Variants in CHCHD3 observed in about 807,000 individuals in gnomAD.
CHCHD3 encodes the protein coiled-coil-helix-coiled-coil-helix domain containing 3, also known as MICOS complex subunit MIC19.
A neutral mutation model predicts 38.2 loss-of-function variants in CHCHD3; 20 were observed. The ratio of observed to expected loss-of-function variants is 0.52; its 90% CI spans 0.37 to 0.76. The LOEUF is 0.76. Ranked by LOEUF, CHCHD3 falls within the 30% of genes least tolerant of loss-of-function variation. The probability of loss-of-function intolerance (pLI) is 0.00; values close to 1 mark genes in which losing one functional copy is unlikely to be tolerated. For missense variants in CHCHD3, 245 were observed against 279.2 expected, an observed-to-expected ratio of 0.88 and a Z score of 0.87; for synonymous variants, 82 against 100.0, an observed-to-expected ratio of 0.82 and a Z score of 1.07.
At chr7:132,845,661 A>G (rs769279375) in intron 5 of CHCHD3, among the ~76,000 whole-genome samples, 2 of 152,202 alleles carry the variant, frequency 1.3e-5, no homozygotes, top group Non-Finnish European at 2.9e-5. Context: ...TTTTTACTCT[A>G]TATGTGAATC....
intron 6 of CHCHD3, among the ~76,000 whole-genome samples, chr7:132,798,214 GA>G (rs889188029): frequency 1.6e-4 from 24 of 150,524 alleles, no homozygotes; most frequent in African/African-American, 5.9e-4. Context: ...GACATACAGA[GA>G]AAAAAAAATG....
At chr7:132,925,535 C>T (rs916091517) in intron 4 of CHCHD3, among the ~76,000 whole-genome samples, 1 of 152,146 alleles carries the variant, frequency 6.6e-6, no homozygotes, top group African/African-American at 2.4e-5. Context: ...GGTCCCCATC[C>T]CCACTTCATC....
chr7:132,819,772 A>G (rs1170590688), intron 6 of CHCHD3, among the ~76,000 whole-genome samples: 1 of 152,220 alleles, frequency 6.6e-6, no homozygotes, highest in African/African-American at 2.4e-5. Flanking sequence ...CACATGAGAC[A>G]GGTCCTAACA....
intron 4 of CHCHD3, among the ~76,000 whole-genome samples, chr7:132,969,487 A>T (rs895839751): frequency 6.6e-6 from 1 of 152,218 alleles, no homozygotes; most frequent in Non-Finnish European, 1.5e-5. Flanking sequence ...CACTGAAGTC[A>T]GACTTCACGC....
chr7:132,953,242 T>C (rs557933757), intron 4 of CHCHD3, among the ~76,000 whole-genome samples: 1 of 152,228 alleles, frequency 6.6e-6, no homozygotes, highest in African/African-American at 2.4e-5. Context: ...CAGGAGGTAT[T>C]GAGATGTAAT....
At chr7:132,984,855 G>T in intron 3 of CHCHD3, among the ~76,000 whole-genome samples, 1 of 114,244 alleles carries the variant, frequency 8.8e-6, no homozygotes, top group South Asian at 2.9e-4. Flanking sequence ...GGGAGGTGGG[G>T]GTCAGCCCCC....
chr7:133,010,553 T>C (rs961807710), intron 3 of CHCHD3, among the ~76,000 whole-genome samples: 28 of 152,282 alleles, frequency 1.8e-4, no homozygotes, highest in South Asian at 6.2e-4. Flanking sequence ...ACCTACTATA[T>C]GACAGACAAT....
intron 1 of CHCHD3, among the ~76,000 whole-genome samples, chr7:133,080,616 C>A (rs1815145725): frequency 6.6e-6 from 1 of 152,140 alleles, no homozygotes; most frequent in Non-Finnish European, 1.5e-5. Flanking sequence ...CCAAAGAGTA[C>A]TAACTGAAAC....
chr7:133,022,050 G>A (rs570818224), intron 3 of CHCHD3, among the ~76,000 whole-genome samples: 9 of 151,940 alleles, frequency 5.9e-5, no homozygotes, highest in South Asian at 4.2e-4. Flanking sequence ...TCACACCACT[G>A]TACTCCAGCC....
intron 3 of CHCHD3, among the ~76,000 whole-genome samples, chr7:133,002,522 T>A (rs1812600583): frequency 6.6e-6 from 1 of 151,866 alleles, no homozygotes. Flanking sequence ...CAAAAATAAT[T>A]TTATTTGTAG....
intron 2 of CHCHD3, among the ~76,000 whole-genome samples, chr7:133,040,964 T>C (rs1813819481): frequency 6.6e-6 from 1 of 152,200 alleles, no homozygotes; most frequent in East Asian, 1.9e-4. Flanking sequence ...ATTTCTAAAA[T>C]GAGGGCCATG....
At chr7:132,934,537 C>T (rs867184040) in intron 4 of CHCHD3, among the ~76,000 whole-genome samples, 1 of 152,150 alleles carries the variant, frequency 6.6e-6, no homozygotes, top group African/African-American at 2.4e-5. Flanking sequence ...TAGTTGCTTT[C>T]GTATTTAATG....
At chr7:132,989,823 T>C (rs1433599013) in intron 3 of CHCHD3, among the ~76,000 whole-genome samples, 1 of 152,160 alleles carries the variant, frequency 6.6e-6, no homozygotes, top group East Asian at 1.9e-4. Flanking sequence ...TTTGTCTAAC[T>C]TGAACTGAAT....
At chr7:132,809,853 T>A (rs1400927373) in intron 6 of CHCHD3, among the ~76,000 whole-genome samples, 1 of 152,238 alleles carries the variant, frequency 6.6e-6, no homozygotes, top group East Asian at 1.9e-4. Context: ...ACAGCAGCGA[T>A]AAGTTTCCAT....
chr7:132,858,424 C>T (rs1284002899), intron 5 of CHCHD3, among the ~76,000 whole-genome samples: 1 of 152,136 alleles, frequency 6.6e-6, no homozygotes, highest in Non-Finnish European at 1.5e-5. Flanking sequence ...ATATACCTTT[C>T]GTTCTTGACA....
intron 4 of CHCHD3, among the ~76,000 whole-genome samples, chr7:132,970,764 A>G (rs911206240): frequency 2.0e-5 from 3 of 151,878 alleles, no homozygotes; most frequent in Non-Finnish European, 4.4e-5. Context: ...TAACATTTAG[A>G]TTTAAAAAAA....
At chr7:133,021,611 G>T (rs1462382936) in intron 3 of CHCHD3, among the ~76,000 whole-genome samples, 1 of 152,096 alleles carries the variant, frequency 6.6e-6, no homozygotes, top group African/African-American at 2.4e-5. Flanking sequence ...TATGCTGATA[G>T]AAGACATTTT....
intron 5 of CHCHD3, among the ~76,000 whole-genome samples, chr7:132,851,482 C>T (rs533746864): frequency 2.5e-4 from 38 of 152,102 alleles, no homozygotes; most frequent in Non-Finnish European, 4.9e-4. Context: ...AGCTCTTCTC[C>T]CTGTGATAAA....
intron 5 of CHCHD3, among the ~76,000 whole-genome samples, chr7:132,857,791 A>T (rs189854802): frequency 1.1e-3 from 165 of 152,306 alleles, no homozygotes; most frequent in African/African-American, 3.5e-3. Context: ...GACCTTGGGC[A>T]AGCCACTCAA....
Sources: allele counts gnomAD v4.1 joint callset (sites outside exome capture counted in the v4.1 genomes callset), GRCh38; gene constraint gnomAD v4.1.1; transcripts MANE v1.5; gene names NCBI Gene and HGNC (gene_info 2026-07-23, HGNC 2026-07-21).